Variants in USP34 observed in about 807,000 individuals in gnomAD.
USP34 encodes ubiquitin specific peptidase 34.
In USP34, 70 loss-of-function variants were observed where a neutral mutation model predicts 460.3. The ratio of observed to expected loss-of-function variants is 0.15; its 90% CI spans 0.13 to 0.19. The LOEUF (loss-of-function observed/expected upper bound fraction) is 0.19. Ranked by LOEUF, USP34 falls within the 10% of genes least tolerant of loss-of-function variation. The pLI is 1.00. For synonymous variants in USP34, 1,647 were observed against 1,405.3 expected (o/e 1.17, Z -3.85); for missense variants, 3,985 against 4,236.2 (o/e 0.94, Z 1.65).
At chr2:61,306,029 G>C (rs900764951) in intron 27 of USP34, among the ~76,000 whole-genome samples, 1 of 152,102 alleles carries the variant, frequency 6.6e-6, no homozygotes, top group Non-Finnish European at 1.5e-5. Context: ...CATTCTGTAG[G>C]TTGCCTGTTC....
intron 1 of USP34, among the ~76,000 whole-genome samples, chr2:61,467,331 T>A (rs1053228785): frequency 6.6e-6 from 1 of 151,586 alleles, no homozygotes. Flanking sequence ...ATAATAATAA[T>A]AAAAAAAGCA....
chr2:61,441,715 A>C (rs1043925624), intron 1 of USP34, among the ~76,000 whole-genome samples: 6 of 151,446 alleles, frequency 4.0e-5, no homozygotes, highest in Admixed American at 2.0e-4. Context: ...GAGGTGGGAG[A>C]ATCAACTGTG....
intron 23 of USP34, among the ~76,000 whole-genome samples, chr2:61,316,039 T>TA (rs539035606): frequency 0.17 from 21,034 of 126,510 alleles, 1,956 homozygotes; most frequent in South Asian, 0.37. Flanking sequence ...GTCTCTACTT[T>TA]AAAAAAAAAA....
intron 43 of USP34, among the ~76,000 whole-genome samples, chr2:61,262,154 G>GATAC (rs1558497404): frequency 3.9e-5 from 5 of 128,400 alleles, no homozygotes; most frequent in African/African-American, 1.5e-4. Flanking sequence ...TAGATAGATA[G>GATAC]ATATAGAAAT....
At chr2:61,224,619 T>C (rs561501605) in intron 62 of USP34, among the ~76,000 whole-genome samples, 2 of 152,326 alleles carry the variant, frequency 1.3e-5, no homozygotes, top group African/African-American at 4.8e-5. Flanking sequence ...CGAAGTATAC[T>C]TGCAAGTAGA....
chr2:61,393,231 G>C (rs1693407922), intron 5 of USP34, among the ~76,000 whole-genome samples: 2 of 152,102 alleles, frequency 1.3e-5, no homozygotes, highest in African/African-American at 4.8e-5. Flanking sequence ...AGGAGTTTGA[G>C]ACCAGCCTAG....
At chr2:61,457,885 T>C (rs1324113516) in intron 1 of USP34, among the ~76,000 whole-genome samples, 1 of 152,048 alleles carries the variant, frequency 6.6e-6, no homozygotes, top group African/African-American at 2.4e-5. Flanking sequence ...AAAAGTACCA[T>C]TTTATGAAGA....
At chr2:61,399,145 G>A (rs540409552) in intron 3 of USP34, among the ~76,000 whole-genome samples, 18 of 152,088 alleles carry the variant, frequency 1.2e-4, no homozygotes, top group Non-Finnish European at 2.2e-4. Context: ...ACGAGGTCAG[G>A]AGTTCAAGAC....
chr2:61,285,003 G>A, intron 34 of USP34, 46 bp from the exon 35 acceptor site: 1 of 1,484,346 alleles, frequency 6.7e-7, no homozygotes, highest in Non-Finnish European at 9.2e-7. Flanking sequence ...ACAGCAAAAG[G>A]AAAACCCTCA....
chr2:61,272,411 A>AAG, intron 41 of USP34, among the ~76,000 whole-genome samples: 5 of 97,304 alleles, frequency 5.1e-5, no homozygotes, highest in East Asian at 2.1e-4. Context: ...ACCCCATCTC[A>AAG]AAAAAAAAAA....
chr2:61,286,991 C>G (rs1017331349), intron 34 of USP34, among the ~76,000 whole-genome samples: 11 of 151,984 alleles, frequency 7.2e-5, no homozygotes, highest in African/African-American at 2.7e-4. Flanking sequence ...AAAGTTTATT[C>G]TGAAAAAAAC....
chr2:61,214,053 T>C lies in USP34; in HGVS notation c.8682+7A>G. On this transcript the variant is annotated splice_region_variant and intron_variant, in intron 68 of 79. Coordinates refer to ENST00000398571, the MANE Select transcript of USP34 (RefSeq NM_014709.4). ...GATACAGATAAAAGAGTATCAATTT[T>C]ACTCACTCCAGGGTATTGGCTGGCA... is the stretch of plus-strand genomic sequence containing the variant. 6.2e-7 allele frequency: 1 copy of C among 1,613,854 alleles called. No homozygotes were observed. Among genetic ancestry groups the C allele is most frequent in the Non-Finnish European group, 8.5e-7 (1 of 1,179,916 alleles).
At chr2:61,376,796 C>A (rs901644242) in intron 8 of USP34, among the ~76,000 whole-genome samples, 2 of 152,108 alleles carry the variant, frequency 1.3e-5, no homozygotes, top group African/African-American at 4.8e-5. Flanking sequence ...CACAGGCATG[C>A]GCCACCACAC....
intron 21 of USP34, among the ~76,000 whole-genome samples, chr2:61,321,440 C>G (rs962738348): frequency 2.6e-5 from 4 of 152,168 alleles, no homozygotes; most frequent in Admixed American, 2.6e-4. Context: ...CCACTGCTCT[C>G]CAGCCTGGTG....
intron 21 of USP34, among the ~76,000 whole-genome samples, chr2:61,321,041 T>C (rs1243947000): frequency 1.3e-5 from 2 of 151,200 alleles, no homozygotes; most frequent in Non-Finnish European, 3.0e-5. Context: ...CTGGGCAGGG[T>C]GGCACGCACC....
intron 1 of USP34, among the ~76,000 whole-genome samples, chr2:61,442,926 C>CAA (rs1553392404): frequency 1.3e-4 from 19 of 151,864 alleles, no homozygotes; most frequent in Non-Finnish European, 2.5e-4. Context: ...CACACACACA[C>CAA]ACACACACAG....
intron 10 of USP34, among the ~76,000 whole-genome samples, chr2:61,369,585 G>A (rs1253076388): frequency 1.6e-5 from 2 of 128,924 alleles, no homozygotes; most frequent in African/African-American, 5.9e-5. Context: ...GGAGGTTGCA[G>A]TAAGCCAAGA....
At chr2:61,376,891 G>A (rs778687650) in intron 8 of USP34, among the ~76,000 whole-genome samples, 12 of 152,140 alleles carry the variant, frequency 7.9e-5, no homozygotes, top group Middle Eastern at 3.2e-3. Context: ...TGATCTGCCC[G>A]CCTCAGCCTC....
rs768733068 is a variant in USP34, at chr2:61,211,898, A to T, written c.8714T>A (p.Leu2905Gln). 15 of 1,609,564 alleles carry T rather than the reference A, an allele frequency of 9.3e-6. No individual in the cohort carries two copies. The highest frequency in any genetic ancestry group is 3.3e-4 in the Middle Eastern group (2 of 6,058). The change falls in exon 69 of 80, where the codon CTG becomes CAG. Residue 2905 changes from leucine to glutamine, a missense_variant. By Grantham distance (113) the Leu-to-Gln change is moderately radical. This residue lies in a region of USP34 where 275 missense variants were observed against 292.7 expected (regional missense o/e 0.94). Transcript: ENST00000398571. ...AVEELFNLMQ[L>Q]FIAQRPDMRE... is the part of the protein sequence containing the mutation. ...CATATCTGGCCTCTGAGCTATAAAC[A>T]GCTGCATCAGGTTAAACAGTTCTTC...
Sources: allele counts gnomAD v4.1 joint callset (sites outside exome capture counted in the v4.1 genomes callset), GRCh38; gene constraint gnomAD v4.1.1; regional missense constraint gnomAD v4.1.1; transcripts MANE v1.5; gene names NCBI Gene and HGNC (gene_info 2026-07-23, HGNC 2026-07-21).